The following PRDM5 variants were observed in gnomAD, a reference collection of about 807,000 sequenced individuals.
PRDM5 encodes PR/SET domain 5.
A neutral mutation model predicts 81.2 loss-of-function variants in PRDM5; 56 were observed. That is an observed-to-expected ratio of 0.69 (90% CI 0.56 to 0.86). The LOEUF (loss-of-function observed/expected upper bound fraction) is 0.86. PRDM5 is among the 40% of genes least tolerant of loss of function. The pLI is 0.00. For synonymous variants in PRDM5, 267 were observed against 256.4 expected, an observed-to-expected ratio of 1.04 and a Z score of -0.39; for missense variants, 697 against 770.1, an observed-to-expected ratio of 0.91 and a Z score of 1.12.
In PRDM5 at chr4:120,758,470, T is replaced by A. The variant is rs1252080712; in HGVS notation, c.1538-3832A>T. ...AGTAGTGTGGGCCCCTAATCAAATA[T>A]GATTGATGTCCTCATAAAAAGATGG... On this transcript the variant is annotated intron_variant, in intron 13 of 15. Transcript: ENST00000264808. 2.0e-5 allele frequency among the ~76,000 whole-genome samples: 3 copies of A among 152,094 alleles called. No homozygotes were observed. The East Asian group carries it at 5.8e-4, about 29-fold the overall frequency.
At chr4:120,916,609 T>A (rs1354501947) in intron 1 of PRDM5, among the ~76,000 whole-genome samples, 1 of 152,142 alleles carries the variant, frequency 6.6e-6, no homozygotes. Context: ...ATTATACAAT[T>A]GTATCTCACT....
intron 15 of PRDM5, among the ~76,000 whole-genome samples, chr4:120,709,689 C>T (rs1237067486): frequency 2.2e-5 from 3 of 139,188 alleles, no homozygotes; most frequent in East Asian, 4.8e-4. Context: ...CTGCCAATCC[C>T]GCACAAAAGA....
chr4:120,738,161 A>T (rs1479485004), intron 14 of PRDM5, among the ~76,000 whole-genome samples: 1 of 152,238 alleles, frequency 6.6e-6, no homozygotes, highest in Non-Finnish European at 1.5e-5. Flanking sequence ...CCAACCTCCT[A>T]ATCTTAAGCA....
chr4:120,879,163 G>A (rs1383023294), intron 2 of PRDM5, among the ~76,000 whole-genome samples: 3 of 152,060 alleles, frequency 2.0e-5, no homozygotes, highest in Non-Finnish European at 4.4e-5. Context: ...ATAAGTGAAT[G>A]GATAAAGGAA....
chr4:120,722,683 A>G (rs1393590116), intron 14 of PRDM5, among the ~76,000 whole-genome samples: 1 of 152,114 alleles, frequency 6.6e-6, no homozygotes, highest in Non-Finnish European at 1.5e-5. Context: ...CTGATGGGCT[A>G]AACCAATGAC....
intron 13 of PRDM5, among the ~76,000 whole-genome samples, chr4:120,758,684 C>T (rs114511319): frequency 7.2e-4 from 109 of 152,200 alleles, no homozygotes; most frequent in African/African-American, 2.5e-3. Context: ...AGAGGTGACA[C>T]AGTTTTATAG....
At chr4:120,771,003 T>G (rs1747210313) in intron 13 of PRDM5, among the ~76,000 whole-genome samples, 1 of 152,178 alleles carries the variant, frequency 6.6e-6, no homozygotes, top group South Asian at 2.1e-4. Flanking sequence ...AAATATATCC[T>G]TCTGTTTTTG....
chr4:120,852,589 C>A (rs969559520), intron 3 of PRDM5, among the ~76,000 whole-genome samples: 1 of 151,970 alleles, frequency 6.6e-6, no homozygotes, highest in Admixed American at 6.6e-5. Context: ...TAAACTGGTA[C>A]ATCAGCAATG....
intron 13 of PRDM5, among the ~76,000 whole-genome samples, chr4:120,757,123 T>C (rs1481644263): frequency 6.6e-6 from 1 of 152,204 alleles, no homozygotes; most frequent in Non-Finnish European, 1.5e-5. Flanking sequence ...AAGAAAGAAA[T>C]ACATAGTTAA....
intron 2 of PRDM5, among the ~76,000 whole-genome samples, chr4:120,872,617 G>T (rs1230059644): frequency 6.6e-6 from 1 of 152,142 alleles, no homozygotes; most frequent in Non-Finnish European, 1.5e-5. Flanking sequence ...AGCCAGTGGT[G>T]GTGGTGCACA....
chr4:120,686,302 C>T (rs1192497134), intron 1 of PRDM5, among the ~76,000 whole-genome samples: 2 of 152,092 alleles, frequency 1.3e-5, no homozygotes, highest in African/African-American at 4.8e-5. Context: ...TTTCCTTTCT[C>T]TCTCCTAGGA....
At chr4:120,775,858 T>C (rs1225473018) in intron 13 of PRDM5, among the ~76,000 whole-genome samples, 2 of 152,182 alleles carry the variant, frequency 1.3e-5, no homozygotes, top group Non-Finnish European at 2.9e-5. Flanking sequence ...AAAAGAGGGC[T>C]GCCCAGTGAC....
At chr4:120,824,521 C>T (rs1178229671) in intron 3 of PRDM5, among the ~76,000 whole-genome samples, 7 of 152,116 alleles carry the variant, frequency 4.6e-5, no homozygotes, top group Non-Finnish European at 1.0e-4. Context: ...CAAATATTCC[C>T]CAGCCATCAG....
intron 3 of PRDM5, among the ~76,000 whole-genome samples, chr4:120,850,918 G>A (rs1409218944): frequency 6.6e-6 from 1 of 152,130 alleles, no homozygotes; most frequent in Non-Finnish European, 1.5e-5. Flanking sequence ...CCTACAATAT[G>A]ATAACATACA....
At chr4:120,781,861 G>T (rs1749084039) in intron 11 of PRDM5, among the ~76,000 whole-genome samples, 1 of 152,206 alleles carries the variant, frequency 6.6e-6, no homozygotes, top group Non-Finnish European at 1.5e-5. Flanking sequence ...TGGACTGGAG[G>T]CTCCCTGATT....
chr4:120,773,587 T>C (rs1464702818), intron 13 of PRDM5, among the ~76,000 whole-genome samples: 3 of 152,168 alleles, frequency 2.0e-5, no homozygotes, highest in Non-Finnish European at 1.5e-5. Flanking sequence ...GTCCAACTGA[T>C]TTTACTGTCA....
At chr4:120,716,322 T>C (rs542972862) in intron 14 of PRDM5, among the ~76,000 whole-genome samples, 1 of 152,276 alleles carries the variant, frequency 6.6e-6, no homozygotes. Context: ...AAGGATAAAA[T>C]GTGTAGTGTT....
At chr4:120,852,745 ATATATATTTT>A (rs1263990837) in intron 3 of PRDM5, among the ~76,000 whole-genome samples, 1 of 149,950 alleles carries the variant, frequency 6.7e-6, no homozygotes, top group Non-Finnish European at 1.5e-5. Context: ...ACACAACCAT[ATATATATTTT>A]TATATATTTT....
chr4:120,767,110 G>A lies in PRDM5; in HGVS notation c.1537+10078C>T, dbSNP rs79987504. On this transcript the variant is annotated intron_variant, in intron 13 of 15. Transcript: ENST00000264808. ...AGGATAAAATCAATCATAAAATGAA[G>A]GAATTGAAGGATGTTTTTAATTTTA... Among the ~76,000 whole-genome samples the A allele has an allele frequency of 6.9e-3, 1,051 of 152,092 alleles. 6 individuals carry two copies. Among genetic ancestry groups the A allele is most frequent in the Non-Finnish European group, 0.011 (716 of 67,982 alleles).
Sources: gnomAD v4.1 joint callset for allele counts (sites outside exome capture counted in the v4.1 genomes callset) on GRCh38, gnomAD v4.1.1 for gene constraint, MANE v1.5 for transcripts, NCBI Gene and HGNC (gene_info 2026-07-23, HGNC 2026-07-21) for gene names.